Variants in MYO1D observed in about 807,000 individuals in gnomAD.
MYO1D encodes the protein myosin ID.
A neutral mutation model predicts 122.0 loss-of-function variants in MYO1D; 83 were observed. That is an observed-to-expected ratio of 0.68 (90% CI 0.57 to 0.82). The LOEUF is 0.82. Among genes scored for constraint, MYO1D ranks in the 40% least tolerant of loss-of-function variants. MYO1D has a pLI of 0.00. For synonymous variants in MYO1D, 464 were observed against 446.9 expected (o/e 1.04, Z -0.48); for missense variants, 1,157 against 1,269.5 (o/e 0.91, Z 1.35).
intron 20 of MYO1D, among the ~76,000 whole-genome samples, chr17:32,623,872 G>A (rs1217794437): frequency 6.6e-6 from 1 of 152,162 alleles, no homozygotes; most frequent in Non-Finnish European, 1.5e-5. Context: ...GGGGCCTCTT[G>A]TATAAGTCGA....
At chr17:32,805,038 G>C (rs1291308433) in intron 1 of MYO1D, among the ~76,000 whole-genome samples, 1 of 152,146 alleles carries the variant, frequency 6.6e-6, no homozygotes, top group East Asian at 1.9e-4. Context: ...AGGGCCTTTG[G>C]GAGGTGATTA....
At chr17:32,863,096 G>A (rs534333734) in intron 1 of MYO1D, 1 of 152,348 alleles carries the variant, frequency 6.6e-6, no homozygotes, top group African/African-American at 2.4e-5. Flanking sequence ...GAGAGGTGGA[G>A]ATGCAAACAG....
chr17:32,835,164 G>T lies in MYO1D; in HGVS notation c.95+41614C>A, dbSNP rs946739110. 8.7e-4 allele frequency among the ~76,000 whole-genome samples: 123 copies of T among 140,880 alleles called. 1 individual carries two copies. Among genetic ancestry groups the T allele is most frequent in the Non-Finnish European group, 9.2e-4 (59 of 64,058 alleles). The allele number at this position is 140,880 out of a possible 152,430, so 92.4% of individuals were successfully genotyped here. ...GTTTTTGGTTTTGCTTTCTTTTGGG[G>T]TTTTTTTTTTTTTGGTTTTGTGTTT... On this transcript the variant is annotated intron_variant, in intron 1 of 21. Transcript: ENST00000318217.
chr17:32,760,902 G>A (rs1467324676), intron 8 of MYO1D, among the ~76,000 whole-genome samples: 4 of 152,100 alleles, frequency 2.6e-5, no homozygotes, highest in Non-Finnish European at 4.4e-5. Flanking sequence ...TTCCCTGCCC[G>A]GCTATATCAA....
At position 32,810,219 on chromosome 17, in the gene MYO1D, C is replaced by G. The variant is rs148877454; in HGVS notation, c.96-29435G>C. ...GAAGCTGCAGAGAAGAGCACCCAGACAGCAGACAGGGAGGCTGAGAAAGGG... is the reference window on the plus strand; with the variant it reads ...GAAGCTGCAGAGAAGAGCACCCAGAGAGCAGACAGGGAGGCTGAGAAAGGG... On this transcript the variant is annotated intron_variant, in intron 1 of 21. Coordinates refer to ENST00000318217, the MANE Select transcript of MYO1D (RefSeq NM_015194.3). Among the ~76,000 whole-genome samples the G allele has an allele frequency of 1.1e-3, 171 of 152,226 alleles. 1 individual carries two copies. The South Asian group carries it at 0.011, about 10-fold the overall frequency.
intron 1 of MYO1D, among the ~76,000 whole-genome samples, chr17:32,851,833 C>T (rs2151082027): frequency 6.6e-6 from 1 of 152,344 alleles, no homozygotes; most frequent in South Asian, 2.1e-4. Context: ...GGAGGTGGAG[C>T]TCAGGCTGTA....
Position 32,712,055 on chromosome 17 carries a change from C to A in MYO1D, c.2054G>T (p.Arg685Leu), listed in dbSNP as rs375964215. Residue 685 changes from arginine (R) to leucine (L), a missense_variant, in exon 16 of 22, where the codon CGA becomes CTA. Arg to Leu is a moderately radical substitution (Grantham distance 102, BLOSUM62 -2). Coordinates refer to ENST00000318217, the MANE Select transcript of MYO1D (RefSeq NM_015194.3). ...GAGTTCTTCCAAGGTAAACAATGTTCGGGGTGTTCGAATGAAAATTTTGGT... is the reference window on the plus strand; with the variant it reads ...GAGTTCTTCCAAGGTAAACAATGTTAGGGGTGTTCGAATGAAAATTTTGGT... ...GKTKIFIRTP[R>L]TLFTLEELRA... The A allele has an allele frequency of 2.5e-6, 4 of 1,614,036 alleles. No individual in the cohort carries two copies. The highest frequency in any genetic ancestry group is 2.5e-6 in the Non-Finnish European group (3 of 1,179,998).
At chr17:32,868,957 T>A (rs987306049) in intron 1 of MYO1D, among the ~76,000 whole-genome samples, 44 of 151,772 alleles carry the variant, frequency 2.9e-4, no homozygotes, top group African/African-American at 1.1e-3. Context: ...GCCTGTAATC[T>A]CAAAACTTTG....
At chr17:32,790,597 C>T (rs1162955208) in intron 1 of MYO1D, among the ~76,000 whole-genome samples, 1 of 152,216 alleles carries the variant, frequency 6.6e-6, no homozygotes, top group Non-Finnish European at 1.5e-5. Flanking sequence ...GACAACTTCA[C>T]ACAATCTAGA....
At chr17:32,726,419 C>CA (rs61627449) in intron 14 of MYO1D, among the ~76,000 whole-genome samples, 61,647 of 135,706 alleles carry the variant, frequency 0.45, 13,525 homozygotes, top group East Asian at 0.74. Flanking sequence ...GACCCTGTCT[C>CA]AAAAAAAAAA....
In MYO1D at chr17:32,644,780, C is replaced by T. The variant is rs565120529; in HGVS notation, c.2596-5945G>A. ...TCTATTAGATTGGTAGATCTTCCTC[C>T]ATCCCTTTATTTTGAGCCTGTGTGT... On this transcript the variant is annotated intron_variant, in intron 19 of 21. Transcript: ENST00000318217. Among the ~76,000 whole-genome samples the T allele has an allele frequency of 3.9e-5, 6 of 152,250 alleles. No homozygotes were observed. The East Asian group carries it at 7.7e-4, about 20-fold the overall frequency.
chr17:32,580,093 A>G (rs1238935716), intron 21 of MYO1D, among the ~76,000 whole-genome samples: 1 of 152,216 alleles, frequency 6.6e-6, no homozygotes, highest in Non-Finnish European at 1.5e-5. Context: ...AAATGACAAT[A>G]CAAATTATTC....
chr17:32,834,354 G>A (rs1192261053), intron 1 of MYO1D, among the ~76,000 whole-genome samples: 2 of 152,190 alleles, frequency 1.3e-5, no homozygotes, highest in East Asian at 3.8e-4. Context: ...CAGTCAAAGT[G>A]AAGGTGTCCA....
rs184230132 is a variant in MYO1D at position 32,740,004 on chromosome 17, T to C, written c.1614-1619A>G. ...CTGTGGCTTATGAACCCAGTTTCAT[T>C]ACTTTCTAGTCCTATTCCATAATTT... On this transcript the variant is annotated intron_variant, in intron 13 of 21. Coordinates refer to ENST00000318217, the MANE Select transcript of MYO1D (RefSeq NM_015194.3). Among the ~76,000 whole-genome samples, 48 of 152,346 alleles carry C rather than the reference T, an allele frequency of 3.2e-4. 1 individual carries two copies. The highest frequency in any genetic ancestry group is 6.8e-3 in the Middle Eastern group (2 of 294).
intron 21 of MYO1D, among the ~76,000 whole-genome samples, chr17:32,576,148 G>A (rs1246921545): frequency 1.3e-5 from 2 of 152,192 alleles, no homozygotes; most frequent in Non-Finnish European, 2.9e-5. Context: ...GAAAGAGGAA[G>A]CATGTCAAAA....
intron 16 of MYO1D, among the ~76,000 whole-genome samples, chr17:32,707,993 C>G (rs1307267148): frequency 2.0e-5 from 3 of 152,206 alleles, no homozygotes; most frequent in East Asian, 3.8e-4. Flanking sequence ...GATCTCACTC[C>G]TTGTGCATTT....
rs1254551805 is a variant in MYO1D at position 32,775,968 on chromosome 17, T to G, written c.460A>C (p.Asn154His). 11 of 1,613,898 alleles carry G rather than the reference T, an allele frequency of 6.8e-6. No homozygotes were observed. The highest frequency in any genetic ancestry group is 9.3e-6 in the Non-Finnish European group (11 of 1,179,946). Reference protein sequence around the residue: ...VLEAFGNAKTNRNDNSSRFGK... With the variant: ...VLEAFGNAKTHRNDNSSRFGK... ...AACCTGCTTGAGTTGTCATTACGGTTGGTTTTGGCATTTCCAAAAGCTTCC... is the reference window on the plus strand; with the variant it reads ...AACCTGCTTGAGTTGTCATTACGGTGGGTTTTGGCATTTCCAAAAGCTTCC... The change falls in exon 4 of 22, where the codon AAC becomes CAC. Residue 154 changes from asparagine to histidine, a missense_variant. Asn to His is a moderately conservative substitution (Grantham distance 68, BLOSUM62 1). Transcript: ENST00000318217.
intron 20 of MYO1D, among the ~76,000 whole-genome samples, chr17:32,634,207 C>T (rs1341130087): frequency 1.3e-5 from 2 of 152,158 alleles, no homozygotes; most frequent in Admixed American, 6.5e-5. Context: ...TAAAATCGCC[C>T]ATCTCCTGTC....
At position 32,738,265 on chromosome 17, in the gene MYO1D, G is replaced by A. The variant is rs552474689; in HGVS notation, c.1734C>T (p.Asn578=). ...FKNSMIALVD[N]LASKEPYYVR... ...AGAAAATAATTACCTTTGATGCAAG[G>A]TTGTCTACTAGAGCAATCATAGAAT... Residue 578 remains asparagine, a synonymous_variant, in exon 14 of 22, where the codon AAC becomes AAT. Transcript: ENST00000318217. 1.3e-4 allele frequency: 207 copies of A among 1,602,748 alleles called. 5 individuals carry two copies. In the South Asian group the frequency reaches 2.3e-3, roughly 18 times the overall value.
Sources: gnomAD v4.1 joint callset for allele counts (sites outside exome capture counted in the v4.1 genomes callset) on GRCh38, gnomAD v4.1.1 for gene constraint, MANE v1.5 for transcripts, NCBI Gene and HGNC (gene_info 2026-07-23, HGNC 2026-07-21) for gene names.